PTCH1: variants seen among roughly 807,000 people sequenced by gnomAD.
PTCH1 encodes patched 1, also known as protein patched homolog 1.
Under a neutral mutation model 144.6 loss-of-function variants are expected in PTCH1, and 14 were observed. The ratio of observed to expected loss-of-function variants is 0.10; its 90% CI spans 0.06 to 0.15. The LOEUF (loss-of-function observed/expected upper bound fraction) is 0.15. Ranked by LOEUF, PTCH1 falls within the 10% of genes least tolerant of loss-of-function variation. The pLI is 1.00. For missense variants in PTCH1, 1,623 were observed against 1,948.3 expected (o/e 0.83, Z 3.14); for synonymous variants, 833 against 793.6 (o/e 1.05, Z -0.83).
intron 2 of PTCH1, among the ~76,000 whole-genome samples, chr9:95,492,675 C>T (rs1842499103): frequency 6.6e-6 from 1 of 151,714 alleles, no homozygotes. Context: ...ACTTCTGGTC[C>T]CAAACATTTT....
chr9:95,451,111 G>C (rs1238406954), intron 20 of PTCH1: 3 of 151,978 alleles, frequency 2.0e-5, no homozygotes, highest in African/African-American at 7.3e-5. Flanking sequence ...TGAAAGGAGA[G>C]AGAATCCCCA....
chr9:95,475,943 C>A, intron 12 of PTCH1, 91 bp downstream of exon 12: 1 of 1,575,788 alleles, frequency 6.3e-7, no homozygotes, highest in East Asian at 2.2e-5. Context: ...TCATAAGTAA[C>A]TGAAGTGCCT....
upstream of PTCH1, among the ~76,000 whole-genome samples, chr9:95,513,541 C>T (rs1844242338): frequency 1.3e-5 from 2 of 152,128 alleles, no homozygotes; most frequent in Non-Finnish European, 2.9e-5. Flanking sequence ...AGGGCTTCAG[C>T]AGTTCCAAGC....
intron 7 of PTCH1, 48 bp from the exon 8 acceptor site, chr9:95,479,195 C>T: frequency 4.3e-6 from 7 of 1,613,150 alleles, no homozygotes; most frequent in Non-Finnish European, 5.9e-6. Context: ...TCCCAGGAAG[C>T]AGTTTCCACT....
At position 95,459,637 on chromosome 9, in the gene PTCH1, G is replaced by A. The variant is rs200776583; in HGVS notation, c.2850C>T (p.His950=). ...NIRPHRPEWV[H]DKADYMPETR... Reference sequence around the variant, plus strand: ...TTTCAGGCATGTAGTCGGCTTTGTCGTGGACCCATTCTGGTCGGTGTGGCC... The same window carrying A: ...TTTCAGGCATGTAGTCGGCTTTGTCATGGACCCATTCTGGTCGGTGTGGCC... Residue 950 remains histidine (H), a synonymous_variant, in exon 17 of 24, where the codon CAC becomes CAT. Coordinates refer to ENST00000331920, the MANE Select transcript of PTCH1 (RefSeq NM_000264.5). The A allele has an allele frequency of 5.0e-5, 81 of 1,614,116 alleles. No homozygotes were observed. Among genetic ancestry groups the A allele is most frequent in the African/African-American group, 9.3e-5 (7 of 75,058 alleles).
upstream of PTCH1, among the ~76,000 whole-genome samples, chr9:95,509,845 T>C (rs1350814304): frequency 6.6e-6 from 1 of 152,148 alleles, no homozygotes; most frequent in East Asian, 1.9e-4. Flanking sequence ...CTCTTCTCTT[T>C]TCTTTTATAA....
chr9:95,516,568 T>C, exon 1 of PTCH1: 1 of 1,562,714 alleles, frequency 6.4e-7, no homozygotes, highest in Non-Finnish European at 8.6e-7. Context: ...TGGCCCCCCT[T>C]TCCTCGTCCT....
chr9:95,483,277 A>C (rs1343583013), intron 3 of PTCH1: 1 of 151,478 alleles, frequency 6.6e-6, no homozygotes, highest in African/African-American at 2.4e-5. Context: ...AAAAAAAAGA[A>C]TTAATCGGGA....
intron 15 of PTCH1, among the ~76,000 whole-genome samples, chr9:95,464,528 T>C (rs1839825967): frequency 2.0e-5 from 3 of 152,190 alleles, no homozygotes; most frequent in African/African-American, 2.4e-5. Context: ...AGAAGTAAAA[T>C]GTTAATCAAA....
At chr9:95,499,704 C>T (rs979848745) in intron 2 of PTCH1, among the ~76,000 whole-genome samples, 9 of 151,996 alleles carry the variant, frequency 5.9e-5, no homozygotes, top group Non-Finnish European at 1.3e-4. Flanking sequence ...TACATTTATG[C>T]AAAGTGGCTT....
At chr9:95,452,824 T>C (rs764434017) in intron 20 of PTCH1, 13 of 154,652 alleles carry the variant, frequency 8.4e-5, no homozygotes, top group Non-Finnish European at 1.9e-4. Flanking sequence ...TTTCTACAGT[T>C]TGAAGGAGAG....
rs1278317687 is a variant in PTCH1, at chr9:95,508,893, G to A, written c.-532C>T. The A allele has an allele frequency of 4.4e-6, 4 of 912,970 alleles. No homozygotes were observed. The highest frequency in any genetic ancestry group is 5.2e-6 in the Non-Finnish European group (4 of 764,360). 56.6% of individuals were successfully genotyped at this position (912,970 alleles called of 1,614,324 possible). A position where few individuals can be genotyped will look rare whatever the true frequency, so the allele number is the denominator to read the frequency against. Reference sequence around the variant, plus strand: ...CAAGCGCAGAGCCGCCGCCGCCGCGGGGTCCGAGGGTGCCCGGCGGGTCTC... The same window carrying A: ...CAAGCGCAGAGCCGCCGCCGCCGCGAGGTCCGAGGGTGCCCGGCGGGTCTC... On this transcript the variant is annotated 5_prime_UTR_variant, in exon 1 of 24. Transcript: ENST00000331920.
intron 19 of PTCH1, among the ~76,000 whole-genome samples, chr9:95,454,098 T>G (rs947177619): frequency 6.6e-6 from 1 of 152,242 alleles, no homozygotes; most frequent in Non-Finnish European, 1.5e-5. Flanking sequence ...AGGCTATGTT[T>G]GTAGTACATC....
chr9:95,516,054 G>A (rs1208457896), intron 1 of PTCH1, among the ~76,000 whole-genome samples: 3 of 152,056 alleles, frequency 2.0e-5, no homozygotes, highest in African/African-American at 7.2e-5. Flanking sequence ...TGCCTCCGCT[G>A]GCGAGTCAGT....
intron 1 of PTCH1, chr9:95,507,273 C>T (rs1164586361): frequency 2.0e-6 from 2 of 985,406 alleles, no homozygotes; most frequent in Admixed American, 6.1e-5. Context: ...GGATCTTTCC[C>T]TCCTCTCCCT....
chr9:95,449,593 T>C lies in PTCH1; in HGVS notation c.3549+248A>G. On this transcript the variant is annotated intron_variant, in intron 21 of 23. Coordinates refer to ENST00000331920, the MANE Select transcript of PTCH1 (RefSeq NM_000264.5). The surrounding 1 kb of genome is among the most constrained non-coding windows in gnomAD (Gnocchi z 5.3). ...CCAATTATGCATCTCAAGGGGAAAG[T>C]CTTCATTTACTGTATAAAGATCTGT... is the stretch of plus-strand genomic sequence containing the variant. The C allele has an allele frequency of 1.6e-6, 1 of 637,396 alleles. No homozygotes were observed. Among genetic ancestry groups the C allele is most frequent in the Non-Finnish European group, 2.7e-6 (1 of 367,850 alleles). 39.5% of individuals were successfully genotyped at this position (637,396 alleles called of 1,614,324 possible). A position where few individuals can be genotyped will look rare whatever the true frequency, so the allele number is the denominator to read the frequency against.
Position 95,468,914 on chromosome 9 carries a change from G to T in PTCH1, c.2087C>A (p.Thr696Asn), listed in dbSNP as rs569655753. ...SVQPVTVTQD[T>N]LSCQSPESTS... ...GCTCTCTGGGCTCTGGCAGCTGAGG[G>T]TGTCCTGTGTCACGGTGACGGGCTG... The change falls in exon 14 of 24, where the codon ACC (threonine) becomes AAC (asparagine). Residue 696 changes from threonine (T) to asparagine (N), a missense_variant. Thr to Asn is a moderately conservative substitution (Grantham distance 65). Transcript: ENST00000331920. 6.2e-7 allele frequency: 1 copy of T among 1,614,188 alleles called. No individual in the cohort carries two copies. The highest frequency in any genetic ancestry group is 8.5e-7 in the Non-Finnish European group (1 of 1,180,050).
chr9:95,461,544 C>T (rs553776811), intron 16 of PTCH1, among the ~76,000 whole-genome samples: 14 of 152,288 alleles, frequency 9.2e-5, no homozygotes, highest in African/African-American at 2.9e-4. Flanking sequence ...AATCACACGC[C>T]GCTGCATTTC....
At position 95,449,119 on chromosome 9, in the gene PTCH1, G is replaced by C. The variant is rs780990429; in HGVS notation, c.3754C>G (p.His1252Asp). 2.5e-6 allele frequency: 4 copies of C among 1,614,206 alleles called. No homozygotes were observed. In the Admixed American group the frequency reaches 6.7e-5, roughly 27 times the overall value. ...TCTGTGGCTTCCACGATCACTTGGT[G>C]GGCAGGGCCTCCCGCGCCCTGCTGG... ...EAQQGAGGPA[H>D]QVIVEATENP... is the part of the protein sequence containing the mutation. The change falls in exon 22 of 24, where the codon CAC becomes GAC. Residue 1252 changes from histidine (H) to aspartate (D), a missense_variant. This residue lies in a region of PTCH1 where 291 missense variants were observed against 287.4 expected (regional missense o/e 1.01). Transcript: ENST00000331920. This position sits in a 1 kb window ranked among gnomAD's most constrained non-coding sequence, Gnocchi z 5.3.
Sources: gnomAD v4.1 joint callset for allele counts (sites outside exome capture counted in the v4.1 genomes callset) on GRCh38, gnomAD v4.1.1 for gene constraint, gnomAD v4.1.1 regional missense constraint, Gnocchi (gnomAD v3.1) non-coding constraint, MANE v1.5 for transcripts, NCBI Gene and HGNC (gene_info 2026-07-23, HGNC 2026-07-21) for gene names.